PRICKLE1: variants seen among roughly 807,000 people sequenced by gnomAD.
The protein encoded by PRICKLE1 is prickle-like protein 1.
PRICKLE1 carries 14 observed loss-of-function variants against 70.2 expected under a neutral mutation model. The ratio of observed to expected loss-of-function variants is 0.20; its 90% confidence interval spans 0.13 to 0.31. PRICKLE1 has a LOEUF of 0.31. Ranked by LOEUF, PRICKLE1 falls within the 10% of genes least tolerant of loss-of-function variation. PRICKLE1 has a pLI of 1.00. For synonymous variants in PRICKLE1, 357 were observed against 379.9 expected (o/e 0.94, Z 0.70); for missense variants, 821 against 1,026.2 (o/e 0.80, Z 2.73).
At chr12:42,469,166 C>T (rs750656833) in intron 4 of PRICKLE1, among the ~76,000 whole-genome samples, 2 of 152,110 alleles carry the variant, frequency 1.3e-5, no homozygotes, top group South Asian at 4.2e-4. Flanking sequence ...CTTTTGAATA[C>T]GAGATGTATC....
intron 5 of PRICKLE1, among the ~76,000 whole-genome samples, chr12:42,467,169 G>A (rs1030520849): frequency 6.6e-6 from 1 of 151,916 alleles, no homozygotes; most frequent in Non-Finnish European, 1.5e-5. Context: ...ACGCTGGAGT[G>A]CAATGGCGTG....
chr12:42,573,723 T>A (rs573655740), intron 1 of PRICKLE1, among the ~76,000 whole-genome samples: 1 of 152,072 alleles, frequency 6.6e-6, no homozygotes, highest in South Asian at 2.1e-4. Context: ...TTTGCAGAGG[T>A]GGGATTTTGC....
At chr12:42,582,069 C>G (rs1241472539) in intron 1 of PRICKLE1, among the ~76,000 whole-genome samples, 1 of 152,114 alleles carries the variant, frequency 6.6e-6, no homozygotes, top group East Asian at 1.9e-4. Flanking sequence ...ATGGAGAAAG[C>G]CTGGTCTGCT....
intron 1 of PRICKLE1, among the ~76,000 whole-genome samples, chr12:42,578,886 C>T (rs572260496): frequency 4.6e-5 from 7 of 151,970 alleles, no homozygotes; most frequent in Non-Finnish European, 1.0e-4. Context: ...CTCAGCCTTG[C>T]GAGTAGCTGG....
At chr12:42,575,877 G>T (rs6582404) in intron 1 of PRICKLE1, among the ~76,000 whole-genome samples, 39,216 of 151,782 alleles carry the variant, frequency 0.26, 7,307 homozygotes, top group African/African-American at 0.54. Context: ...CTTCCTCTTT[G>T]AAGCCTCCCT....
rs962811835 is a variant in PRICKLE1, at chr12:42,522,993, G to A, written c.-48-50429C>T. On this transcript the variant is annotated intron_variant, in intron 1 of 7. Transcript: ENST00000345127. ...TTTTTTTTTTTTGAGATGGAGTCCC[G>A]CTCTGTCGCCCAGGCTGGAGTGCAG... is the stretch of plus-strand genomic sequence containing the variant. Among the ~76,000 whole-genome samples the A allele has an allele frequency of 1.9e-4, 28 of 144,572 alleles. 1 individual carries two copies. Among genetic ancestry groups the A allele is most frequent in the Admixed American group, 1.8e-3 (25 of 13,910 alleles). The allele number at this position is 144,572 out of a possible 152,430, so 94.8% of individuals were successfully genotyped here. A position where few individuals can be genotyped will look rare whatever the true frequency, so the allele number is the denominator to read the frequency against.
At chr12:42,553,163 C>A (rs1258288513) in intron 1 of PRICKLE1, among the ~76,000 whole-genome samples, 4 of 151,870 alleles carry the variant, frequency 2.6e-5, no homozygotes, top group Admixed American at 2.6e-4. Context: ...TTTTTCTCGG[C>A]CGGGCTTGGT....
intron 1 of PRICKLE1, among the ~76,000 whole-genome samples, chr12:42,510,485 G>A (rs1939492110): frequency 6.6e-6 from 1 of 152,182 alleles, no homozygotes; most frequent in African/African-American, 2.4e-5. Context: ...CTTAAGGCCA[G>A]GAGTTTGAGG....
chr12:42,543,903 A>G (rs1940160219), intron 1 of PRICKLE1, among the ~76,000 whole-genome samples: 1 of 152,256 alleles, frequency 6.6e-6, no homozygotes, highest in Non-Finnish European at 1.5e-5. Context: ...CATATTTTGT[A>G]TAAGTATTAT....
At position 42,545,867 on chromosome 12, in the gene PRICKLE1, A is replaced by AAT. The variant is rs1555238573; in HGVS notation, c.-49+43596_-49+43597dup. On this transcript the variant is annotated intron_variant, in intron 1 of 7. Coordinates refer to ENST00000345127, the MANE Select transcript of PRICKLE1 (RefSeq NM_153026.3). Reference sequence around the variant, plus strand: ...TCCGTCTCAAAAAAGAAAAAAAAAAAATATATATATGGAAGGAAAAATATA... The same window carrying AAT: ...TCCGTCTCAAAAAAGAAAAAAAAAAAATATATATATATGGAAGGAAAAATATA... 7.9e-4 allele frequency among the ~76,000 whole-genome samples: 117 copies of AAT among 148,622 alleles called. 3 individuals are homozygous for AAT. The highest frequency in any genetic ancestry group is 3.4e-3 in the South Asian group (16 of 4,712).
At chr12:42,561,876 T>C (rs996486844) in intron 1 of PRICKLE1, among the ~76,000 whole-genome samples, 2 of 151,600 alleles carry the variant, frequency 1.3e-5, no homozygotes, top group African/African-American at 2.4e-5. Flanking sequence ...AGCGAAAATA[T>C]GATGTTCCAC....
chr12:42,546,549 T>C (rs907417852), intron 1 of PRICKLE1, among the ~76,000 whole-genome samples: 7 of 151,896 alleles, frequency 4.6e-5, no homozygotes, highest in Admixed American at 3.9e-4. Context: ...AGGTCAGGAG[T>C]TTGAGATCAG....
chr12:42,478,473 G>C (rs1938659155), intron 1 of PRICKLE1, among the ~76,000 whole-genome samples: 1 of 152,194 alleles, frequency 6.6e-6, no homozygotes, highest in Admixed American at 6.5e-5. Context: ...GAGGTGTGTG[G>C]AGGGCACAAA....
intron 1 of PRICKLE1, among the ~76,000 whole-genome samples, chr12:42,564,476 C>T (rs376368260): frequency 2.0e-5 from 3 of 150,136 alleles, no homozygotes; most frequent in African/African-American, 7.3e-5. Context: ...GGCGTGGTGG[C>T]GGGCACCTGT....
At chr12:42,480,164 C>A (rs1393730948) in intron 1 of PRICKLE1, among the ~76,000 whole-genome samples, 1 of 152,106 alleles carries the variant, frequency 6.6e-6, no homozygotes, top group African/African-American at 2.4e-5. Context: ...TTTCTCCCTG[C>A]TCTCATAATG....
chr12:42,564,269 A>AAAAAG (rs71084673), intron 1 of PRICKLE1, among the ~76,000 whole-genome samples: 89,863 of 124,984 alleles, frequency 0.72, 36,099 homozygotes, highest in East Asian at 0.96. Context: ...AAAAAAAAAA[A>AAAAAG]AAAGAAAAGA....
intron 1 of PRICKLE1, among the ~76,000 whole-genome samples, chr12:42,491,974 C>T (rs185216571): frequency 4.1e-4 from 62 of 151,864 alleles, no homozygotes; most frequent in Admixed American, 2.6e-4. Flanking sequence ...TTAGTAGAGA[C>T]GGGTTTTCAC....
chr12:42,582,883 ATTC>A (rs778133028), intron 1 of PRICKLE1, among the ~76,000 whole-genome samples: 2 of 152,214 alleles, frequency 1.3e-5, no homozygotes, highest in East Asian at 3.9e-4. Context: ...GCCCAAGACA[ATTC>A]TTCTTCCAAT....
chr12:42,576,888 A>T (rs1017248242), intron 1 of PRICKLE1, among the ~76,000 whole-genome samples: 1 of 152,240 alleles, frequency 6.6e-6, no homozygotes, highest in Non-Finnish European at 1.5e-5. Context: ...GTATGGTGAC[A>T]TATGCCAACA....
Sources: gnomAD v4.1 joint callset for allele counts (sites outside exome capture counted in the v4.1 genomes callset) on GRCh38, gnomAD v4.1.1 for gene constraint, MANE v1.5 for transcripts, NCBI Gene and HGNC (gene_info 2026-07-23, HGNC 2026-07-21) for gene names.